The following SESN3 variants were observed in gnomAD, a reference collection of about 807,000 sequenced individuals.
SESN3 encodes sestrin-3.
SESN3 carries 21 observed loss-of-function variants against 55.3 expected under a neutral mutation model. The observed-to-expected ratio is 0.38, with a 90% CI of 0.27 to 0.55. The LOEUF (loss-of-function observed/expected upper bound fraction) is 0.55. Among genes scored for constraint, SESN3 ranks in the 20% least tolerant of loss-of-function variants. The pLI is 0.76. For synonymous variants in SESN3, 181 were observed against 203.1 expected, an observed-to-expected ratio of 0.89 and a Z score of 0.93; for missense variants, 408 against 604.3, an observed-to-expected ratio of 0.68 and a Z score of 3.41.
chr11:95,217,463 C>G (rs921208977), intron 1 of SESN3, among the ~76,000 whole-genome samples: 6 of 152,040 alleles, frequency 3.9e-5, no homozygotes, highest in African/African-American at 1.5e-4. Context: ...CCAGCCTCGC[C>G]AACATGGTGA....
At position 95,215,916 on chromosome 11, in the gene SESN3, G is replaced by A. The variant is rs184074780; in HGVS notation, c.78+14867C>T. ...GATCGAGACCATCCTGGCTAAAACG[G>A]TGAAACCCCGTCTCTACTAAAAATA... On this transcript the variant is annotated intron_variant, in intron 1 of 9. Coordinates refer to ENST00000536441, the MANE Select transcript of SESN3 (RefSeq NM_144665.4). 1.5e-3 allele frequency among the ~76,000 whole-genome samples: 230 copies of A among 151,976 alleles called. 3 individuals carry two copies. The highest frequency in any genetic ancestry group is 5.3e-3 in the African/African-American group (219 of 41,472).
chr11:95,215,413 A>C (rs988824089), intron 1 of SESN3, among the ~76,000 whole-genome samples: 6 of 152,354 alleles, frequency 3.9e-5, no homozygotes, highest in African/African-American at 1.4e-4. Context: ...AACCTTTCTC[A>C]AAATGAAACA....
intron 1 of SESN3, among the ~76,000 whole-genome samples, chr11:95,215,729 A>G: frequency 6.6e-6 from 1 of 152,316 alleles, no homozygotes; most frequent in Middle Eastern, 3.4e-3. Context: ...ATTATGTGTC[A>G]CACATGCTCT....
At chr11:95,195,505 G>C (rs1176595052) in intron 1 of SESN3, among the ~76,000 whole-genome samples, 1 of 152,160 alleles carries the variant, frequency 6.6e-6, no homozygotes, top group Non-Finnish European at 1.5e-5. Flanking sequence ...ATAAGAATTA[G>C]ATTGGCAGAA....
intron 1 of SESN3, among the ~76,000 whole-genome samples, chr11:95,196,576 T>A (rs1409026634): frequency 6.6e-6 from 1 of 152,212 alleles, no homozygotes; most frequent in Non-Finnish European, 1.5e-5. Flanking sequence ...TCACTCATAC[T>A]AACTTTTCTA....
At chr11:95,178,044 C>A in intron 7 of SESN3, 135 bp from the exon 8 acceptor site, 1 of 625,106 alleles carries the variant, frequency 1.6e-6, no homozygotes, top group Admixed American at 3.4e-5. Flanking sequence ...TTTACTAAGG[C>A]TTTACCAATA....
intron 1 of SESN3, among the ~76,000 whole-genome samples, chr11:95,206,365 TAC>T (rs3032056): frequency 0.32 from 45,349 of 139,960 alleles, 6,841 homozygotes; most frequent in South Asian, 0.39. Context: ...AGTCCTAAAA[TAC>T]ACACACACAC....
chr11:95,193,652 G>C, intron 1 of SESN3, 130 bp from the exon 2 acceptor site: 2 of 602,176 alleles, frequency 3.3e-6, no homozygotes, highest in South Asian at 4.1e-5. Context: ...CAGAGTAAGT[G>C]TTGGGTTTCA....
intron 1 of SESN3, among the ~76,000 whole-genome samples, chr11:95,196,752 G>A (rs144182243): frequency 3.3e-5 from 5 of 152,184 alleles, no homozygotes; most frequent in African/African-American, 7.2e-5. Context: ...ACAGGACAGC[G>A]CAGACATTTC....
chr11:95,178,719 G>C lies in SESN3; in HGVS notation c.1047C>G (p.Phe349Leu), dbSNP rs1177743793. The change falls in exon 7 of 10, where the codon TTC becomes TTG. Residue 349 changes from phenylalanine to leucine, a missense_variant. Coordinates refer to ENST00000536441, the MANE Select transcript of SESN3 (RefSeq NM_144665.4). Reference protein sequence around the residue: ...ARRGEEHLPTFRAQDYTWENH... With the variant: ...ARRGEEHLPTLRAQDYTWENH... ...TAAAGACATATTATACCTGAGCTCG[G>C]AATGTTGGCAAATGCTCTTCTCCTC... 1 of 1,595,716 alleles carries C rather than the reference G, an allele frequency of 6.3e-7. No homozygotes were observed. Among genetic ancestry groups the C allele is most frequent in the South Asian group, 1.1e-5 (1 of 90,658 alleles).
intron 1 of SESN3, among the ~76,000 whole-genome samples, chr11:95,194,055 C>T (rs611174): frequency 0.98 from 149,713 of 152,196 alleles, 73,684 homozygotes; most frequent in East Asian, 1. Flanking sequence ...GAATGGGGAA[C>T]ATAGTAATTC....
rs752869141 is a variant in SESN3 at position 95,230,881 on chromosome 11, C to G, written c.-21G>C. The G allele has an allele frequency of 6.5e-7, 1 of 1,543,538 alleles. No homozygotes were observed. Among genetic ancestry groups the G allele is most frequent in the East Asian group, 2.5e-5 (1 of 40,108 alleles). ...TTCATCGTGGCTGCGGGCGCCGAGG[C>G]GAGAGCGGGCGGAGGGCCGGGTCCG... On this transcript the variant is annotated 5_prime_UTR_variant, in exon 1 of 10. Transcript: ENST00000536441. This position sits in a 1 kb window ranked among gnomAD's most constrained non-coding sequence, Gnocchi z 4.6.
chr11:95,195,284 TG>T (rs1860340583), intron 1 of SESN3, among the ~76,000 whole-genome samples: 1 of 152,190 alleles, frequency 6.6e-6, no homozygotes, highest in Admixed American at 6.6e-5. Context: ...AAATATTTTC[TG>T]GAACAGGTGA....
chr11:95,175,433 C>T (rs1032449511), intron 9 of SESN3, 65 bp downstream of exon 9: 2 of 1,326,642 alleles, frequency 1.5e-6, no homozygotes, highest in Non-Finnish European at 2.1e-6. Flanking sequence ...TGTCATTTTT[C>T]ATAACTATTA....
At position 95,185,290 on chromosome 11, in the gene SESN3, ATGT is replaced by A. The variant is rs1860142582; in HGVS notation, c.725_727del (p.Asn242del). 3 of 1,612,174 alleles carry A rather than the reference ATGT, an allele frequency of 1.9e-6. No individual in the cohort carries two copies. The highest frequency in any genetic ancestry group is 2.7e-5 in the African/African-American group (2 of 74,840). ...GCTGCCTGAAAGAGATGCATTCTCT[ATGT>A]TGTTGTCATTAGCAAGATCACAAAC... On this transcript the variant is annotated inframe_deletion, in exon 5 of 10. Coordinates refer to ENST00000536441, the MANE Select transcript of SESN3 (RefSeq NM_144665.4).
At chr11:95,226,853 A>T (rs10831320) in intron 1 of SESN3, among the ~76,000 whole-genome samples, 7,769 of 152,322 alleles carry the variant, frequency 0.051, 468 homozygotes, top group East Asian at 0.31. Flanking sequence ...GTTAAAACAT[A>T]CTTAAAAATT....
chr11:95,223,447 C>G (rs1172756172), intron 1 of SESN3, among the ~76,000 whole-genome samples: 1 of 152,208 alleles, frequency 6.6e-6, no homozygotes, highest in Non-Finnish European at 1.5e-5. Flanking sequence ...GACCTTTCTT[C>G]AGCTGTTGCA....
intron 2 of SESN3, 32 bp from the exon 3 acceptor site, chr11:95,191,633 TA>T: frequency 6.4e-7 from 1 of 1,550,546 alleles, no homozygotes; most frequent in Non-Finnish European, 8.9e-7. Context: ...ACAAAATGAC[TA>T]TTGAGACATA....
In SESN3 at chr11:95,230,929, G is replaced by C; in HGVS notation, c.-69C>G. 1.9e-6 allele frequency: 2 copies of C among 1,032,852 alleles called. No individual in the cohort carries two copies. Among genetic ancestry groups the C allele is most frequent in the Admixed American group, 4.1e-5 (1 of 24,458 alleles). The allele number at this position is 1,032,852 out of a possible 1,614,324, so 64.0% of individuals were successfully genotyped here. A position where few individuals can be genotyped will look rare whatever the true frequency, so the allele number is the denominator to read the frequency against. ...CCGGGCTGTCACTGCGGCCACTGCA[G>C]GGCCGGTCCGTCCCCCCGCCGCCAG... On this transcript the variant is annotated 5_prime_UTR_variant, in exon 1 of 10. Transcript: ENST00000536441. This position sits in a 1 kb window ranked among gnomAD's most constrained non-coding sequence, Gnocchi z 4.6.
Sources: allele counts gnomAD v4.1 joint callset (sites outside exome capture counted in the v4.1 genomes callset), GRCh38; gene constraint gnomAD v4.1.1; non-coding constraint Gnocchi (gnomAD v3.1); transcripts MANE v1.5; gene names NCBI Gene and HGNC (gene_info 2026-07-23, HGNC 2026-07-21).